Variants in SCRT2 observed in about 807,000 individuals in gnomAD.
SCRT2 encodes scratch family transcriptional repressor 2.
In SCRT2, 2 loss-of-function variants were observed where a neutral mutation model predicts 3.7. The observed-to-expected ratio is 0.54, with a 90% CI of 0.22 to 1.70. The LOEUF is 1.70. Among genes scored for constraint, SCRT2 ranks in the 40% most tolerant of loss-of-function variants. The probability of loss-of-function intolerance (pLI) is 0.19; values close to 1 mark genes in which losing one functional copy is unlikely to be tolerated. For missense variants in SCRT2, 456 were observed against 468.5 expected (o/e 0.97, Z 0.25); for synonymous variants, 256 against 220.6 (o/e 1.16, Z -1.42).
intron 1 of SCRT2, among the ~76,000 whole-genome samples, chr20:671,864 G>A (rs1010202941): frequency 1.3e-5 from 2 of 152,206 alleles, no homozygotes; most frequent in African/African-American, 2.4e-5. Context: ...GGGGGGCCTG[G>A]CTCCAAGCTG....
In SCRT2 at chr20:663,266, G is replaced by A. The variant is rs1169367040; in HGVS notation, c.*405C>T. 1 of 187,516 alleles carries A rather than the reference G, an allele frequency of 5.3e-6. No homozygotes were observed. The highest frequency in any genetic ancestry group is 1.1e-5 in the Non-Finnish European group (1 of 91,940). 11.6% of individuals were successfully genotyped at this position (187,516 alleles called of 1,614,324 possible). ...TTTGCGGCTTTCATTGGGGGCTCCA[G>A]TAGAGGAATGGTCAGAGAGATTCAG... On this transcript the variant is annotated 3_prime_UTR_variant, in exon 2 of 2. Coordinates refer to ENST00000246104, the MANE Select transcript of SCRT2 (RefSeq NM_033129.4). This position sits in a 1 kb window ranked among gnomAD's most constrained non-coding sequence, Gnocchi z 6.9.
intron 1 of SCRT2, among the ~76,000 whole-genome samples, chr20:673,726 C>T (rs1984419140): frequency 6.6e-6 from 1 of 152,198 alleles, no homozygotes; most frequent in East Asian, 1.9e-4. Flanking sequence ...TTGCCTCCCT[C>T]CTGAGGAACA....
At position 664,209 on chromosome 20, in the gene SCRT2, G is replaced by GCGTCCCCGC; in HGVS notation, c.377_385dup (p.Gly126_Asp128dup). The GCGTCCCCGC allele has an allele frequency of 1.1e-6, 1 of 943,726 alleles. No individual in the cohort carries two copies. 58.5% of individuals were successfully genotyped at this position (943,726 alleles called of 1,614,324 possible). ...GCCCCCCGCGTCTCCCGAGCCCCCC[G>GCGTCCCCGC]CGTCCCCGCCGCCCCCGCCCCGCCG... On this transcript the variant is annotated inframe_insertion, in exon 2 of 2. Transcript: ENST00000246104. This position sits in a 1 kb window ranked among gnomAD's most constrained non-coding sequence, Gnocchi z 7.9.
intron 1 of SCRT2, among the ~76,000 whole-genome samples, chr20:673,813 A>G (rs1451669294): frequency 6.6e-6 from 1 of 152,202 alleles, no homozygotes; most frequent in Non-Finnish European, 1.5e-5. Context: ...GACAGGACCA[A>G]CGGGGCTTCA....
At position 664,011 on chromosome 20, in the gene SCRT2, T is replaced by C. The variant is rs1600471052; in HGVS notation, c.584A>G (p.Tyr195Cys). Residue 195 changes from tyrosine to cysteine, a missense_variant, in exon 2 of 2, where the codon TAC (tyrosine) becomes TGC (cysteine). This residue lies in a region of SCRT2 where 306 missense variants were observed against 305.3 expected (regional missense o/e 1.00). Transcript: ENST00000246104. The surrounding 1 kb of genome is among the most constrained non-coding windows in gnomAD (Gnocchi z 7.9). ...CATGGCGAGCGCGGGCATGGACACG[T>C]AGGCCTTGCCGCACGTCGGGCATTT... ...ARKCPTCGKA[Y>C]VSMPALAMHL... 1.2e-6 allele frequency: 2 copies of C among 1,611,964 alleles called. No individual in the cohort carries two copies. Among genetic ancestry groups the C allele is most frequent in the Admixed American group, 1.7e-5 (1 of 59,978 alleles).
chr20:669,317 C>G (rs1338110800), intron 1 of SCRT2, among the ~76,000 whole-genome samples: 2 of 152,364 alleles, frequency 1.3e-5, no homozygotes, highest in Non-Finnish European at 1.5e-5. Context: ...GGTCACTTCC[C>G]TCCATGCCCT....
rs1984158744 is a variant in SCRT2, at chr20:666,468, G to A, written c.134-2007C>T. Among the ~76,000 whole-genome samples, 1 of 152,128 alleles carries A rather than the reference G, an allele frequency of 6.6e-6. No individual in the cohort carries two copies. Among genetic ancestry groups the A allele is most frequent in the African/African-American group, 2.4e-5 (1 of 41,426 alleles). ...CTAATATTCACTGAGCACTTACTGT[G>A]TGCACCAGGCTCTGTGCTAAGTGCT... On this transcript the variant is annotated intron_variant, in intron 1 of 1. Coordinates refer to ENST00000246104, the MANE Select transcript of SCRT2 (RefSeq NM_033129.4). This position sits in a 1 kb window ranked among gnomAD's most constrained non-coding sequence, Gnocchi z 4.4.
intron 1 of SCRT2, among the ~76,000 whole-genome samples, chr20:671,146 C>G (rs1273769891): frequency 6.6e-6 from 1 of 152,200 alleles, no homozygotes; most frequent in Admixed American, 6.5e-5. Context: ...GGACCCAGCA[C>G]TTTGCCCTGG....
chr20:670,568 T>C (rs1984301886), intron 1 of SCRT2, among the ~76,000 whole-genome samples: 1 of 152,216 alleles, frequency 6.6e-6, no homozygotes, highest in Non-Finnish European at 1.5e-5. Context: ...GTTTATGCTC[T>C]TGTGACTTTG....
Position 663,739 on chromosome 20 carries a change from G to T in SCRT2, c.856C>A (p.His286Asn). The stretch of plus-strand genomic sequence containing the variant: ...GCCTTGGCGCAGGCCGCCTCGCAGT[G>T]CTTGTGGAGGTAGGACTTGAGCGCG... ...SFALKSYLHKHCEAACAKAAE... is the reference protein window; with the variant it reads ...SFALKSYLHKNCEAACAKAAE... The change falls in exon 2 of 2, where the codon CAC becomes AAC. Residue 286 changes from histidine to asparagine, a missense_variant. This residue lies in a region of SCRT2 where 144 missense variants were observed against 141.9 expected (regional missense o/e 1.01). Coordinates refer to ENST00000246104, the MANE Select transcript of SCRT2 (RefSeq NM_033129.4). The surrounding 1 kb of genome is among the most constrained non-coding windows in gnomAD (Gnocchi z 6.9). 6.4e-7 allele frequency: 1 copy of T among 1,563,962 alleles called. No homozygotes were observed.
Position 662,703 on chromosome 20 carries a change from G to C in SCRT2, c.*968C>G, listed in dbSNP as rs1366313926. 6.5e-6 allele frequency: 1 copy of C among 152,744 alleles called. No individual in the cohort carries two copies. Among genetic ancestry groups the C allele is most frequent in the Non-Finnish European group, 1.5e-5 (1 of 68,090 alleles). 9.5% of individuals were successfully genotyped at this position (152,744 alleles called of 1,614,324 possible). The stretch of plus-strand genomic sequence containing the variant: ...GATGGGGGAAGGGCATTGGCGAGGT[G>C]CTCCAGACCTCCCCCCAACAAGTAA... On this transcript the variant is annotated 3_prime_UTR_variant, in exon 2 of 2. Coordinates refer to ENST00000246104, the MANE Select transcript of SCRT2 (RefSeq NM_033129.4).
chr20:668,491 C>T (rs537208753), intron 1 of SCRT2, among the ~76,000 whole-genome samples: 1 of 152,166 alleles, frequency 6.6e-6, no homozygotes, highest in African/African-American at 2.4e-5. Context: ...AAAAGAGAAT[C>T]TCAGGTGAGA....
rs374840843 is a variant in SCRT2, at chr20:664,238, C to T, written c.357G>A (p.Arg119=). 583 of 1,332,966 alleles carry T rather than the reference C, an allele frequency of 4.4e-4. No homozygotes were observed. The highest frequency in any genetic ancestry group is 1.7e-3 in the Admixed American group (58 of 34,094). 82.6% of individuals were successfully genotyped at this position (1,332,966 alleles called of 1,614,324 possible). ...DAFFISDGRS[R]RRRGGGGGDA... ...CCCCGCCGCCCCCGCCCCGCCGCCGCCGCGAGCGCCCGTCCGAGATGAAGA... is the reference window on the plus strand; with the variant it reads ...CCCCGCCGCCCCCGCCCCGCCGCCGTCGCGAGCGCCCGTCCGAGATGAAGA... Residue 119 remains arginine (R), a synonymous_variant, in exon 2 of 2, where the codon CGG becomes CGA. Transcript: ENST00000246104. The surrounding 1 kb of genome is among the most constrained non-coding windows in gnomAD (Gnocchi z 7.9).
chr20:673,889 A>C (rs1229408971), intron 1 of SCRT2, among the ~76,000 whole-genome samples: 2 of 152,148 alleles, frequency 1.3e-5, no homozygotes, highest in Admixed American at 1.3e-4. Context: ...CCAAGCTTGC[A>C]GATATTTCAG....
Position 663,686 on chromosome 20 carries a change from G to A in SCRT2, c.909C>T (p.Ala303=). 2.0e-6 allele frequency: 3 copies of A among 1,501,504 alleles called. No individual in the cohort carries two copies. Among genetic ancestry groups the A allele is most frequent in the Admixed American group, 2.0e-5 (1 of 49,032 alleles). The allele number at this position is 1,501,504 out of a possible 1,614,324, so 93.0% of individuals were successfully genotyped here. ...GGCGGAAGGCTCAGCTGGCCGGGCC[G>A]GCGGGGGTCGGCGGGGGTGGCTCGG... ...KAAEPPPPTP[A]GPAS is the part of the protein sequence containing the mutation. Residue 303 remains alanine, a synonymous_variant, in exon 2 of 2, where the codon GCC becomes GCT. Transcript: ENST00000246104. The surrounding 1 kb of genome is among the most constrained non-coding windows in gnomAD (Gnocchi z 6.9).
chr20:668,535 C>A (rs1181134067), intron 1 of SCRT2, among the ~76,000 whole-genome samples: 1 of 152,138 alleles, frequency 6.6e-6, no homozygotes, highest in Non-Finnish European at 1.5e-5. Context: ...CAGGCCGTAG[C>A]CATGTGACCT....
intron 1 of SCRT2, among the ~76,000 whole-genome samples, chr20:671,595 C>T (rs6053818): frequency 6.6e-6 from 1 of 152,014 alleles, no homozygotes; most frequent in African/African-American, 2.4e-5. Flanking sequence ...GACATTGGGC[C>T]GGGCTCCCGG....
intron 1 of SCRT2, among the ~76,000 whole-genome samples, chr20:673,639 C>T (rs900166370): frequency 3.9e-5 from 6 of 152,198 alleles, no homozygotes; most frequent in Middle Eastern, 3.2e-3. Flanking sequence ...GCTCTGCACC[C>T]GCCCTGCTTC....
At chr20:668,517 C>T (rs1165308549) in intron 1 of SCRT2, among the ~76,000 whole-genome samples, 2 of 152,110 alleles carry the variant, frequency 1.3e-5, no homozygotes, top group African/African-American at 4.8e-5. Context: ...CATCCTAGCC[C>T]TTGAATTCAG....
Sources: gnomAD v4.1 joint callset for allele counts (sites outside exome capture counted in the v4.1 genomes callset) on GRCh38, gnomAD v4.1.1 for gene constraint, gnomAD v4.1.1 regional missense constraint, Gnocchi (gnomAD v3.1) non-coding constraint, MANE v1.5 for transcripts, NCBI Gene and HGNC (gene_info 2026-07-23, HGNC 2026-07-21) for gene names.